The following COL4A6 variants were observed in gnomAD, a reference collection of about 807,000 sequenced individuals.
COL4A6 encodes the protein collagen alpha-6(IV) chain.
A neutral mutation model predicts 126.7 loss-of-function variants in COL4A6; 59 were observed. The ratio of observed to expected loss-of-function variants is 0.47; its 90% CI spans 0.38 to 0.58. The LOEUF is 0.58. Among genes scored for constraint, COL4A6 ranks in the 20% least tolerant of loss-of-function variants. The pLI is 0.00. For missense variants in COL4A6, 1,285 were observed against 1,337.3 expected, an observed-to-expected ratio of 0.96 and a Z score of 0.61; for synonymous variants, 547 against 496.6, an observed-to-expected ratio of 1.10 and a Z score of -1.35.
intron 3 of COL4A6, among the ~76,000 whole-genome samples, chrX:108,250,281 C>T (rs915130366): frequency 1.8e-5 from 2 of 110,214 alleles, no homozygotes; most frequent in African/African-American, 6.6e-5. Context: ...ATTAAGACCC[C>T]CAACAAGTTT....
At chrX:108,198,384 C>T (rs1255274150) in intron 13 of COL4A6, among the ~76,000 whole-genome samples, 2 of 110,606 alleles carry the variant, frequency 1.8e-5, no homozygotes, top group Non-Finnish European at 3.8e-5. Flanking sequence ...AAGAGTCTTG[C>T]TTTCTCAGAG....
At position 108,209,982 on chromosome X, in the gene COL4A6, A is replaced by T; in HGVS notation, c.533T>A (p.Leu178Gln). 2 of 1,210,469 alleles carry T rather than the reference A, an allele frequency of 1.7e-6. No individual in the cohort carries two copies. The highest frequency in any genetic ancestry group is 2.3e-4 in the Middle Eastern group (1 of 4,348). ...ATAACAACTTACAGTGATTCCATCCAGTCCAGGCAGCCCAGGATCCCCCTG... is the reference window on the plus strand; with the variant it reads ...ATAACAACTTACAGTGATTCCATCCTGTCCAGGCAGCCCAGGATCCCCCTG... ...GMKGDPGLPG[L>Q]DGITGPQGAP... The change falls in exon 8 of 45, where the codon CTG (leucine) becomes CAG (glutamine). Residue 178 changes from leucine to glutamine, a missense_variant. Leu to Gln is a moderately radical substitution (Grantham distance 113, BLOSUM62 -2). Transcript: ENST00000334504.
In COL4A6 at chrX:108,409,154, T is replaced by A. The variant is rs187294131; in HGVS notation, c.63+28788A>T. ...AGTGAAATGTTCAGTATCTTTGACC[T>A]CCATAGCTGATAACTTTGTGGTTGT... On this transcript the variant is annotated intron_variant, in intron 2 of 44. Transcript: ENST00000334504. Among the ~76,000 whole-genome samples, 50 of 111,456 alleles carry A rather than the reference T, an allele frequency of 4.5e-4. 1 individual carries two copies. Among genetic ancestry groups the A allele is most frequent in the African/African-American group, 1.6e-3 (49 of 30,638 alleles).
At chrX:108,340,141 C>T in intron 2 of COL4A6, among the ~76,000 whole-genome samples, 1 of 110,988 alleles carries the variant, frequency 9.0e-6, no homozygotes, top group African/African-American at 3.3e-5. Flanking sequence ...TGGGAAAATA[C>T]AAATAAAATT....
At chrX:108,310,529 A>G (rs1336949350) in intron 3 of COL4A6, among the ~76,000 whole-genome samples, 2 of 112,260 alleles carry the variant, frequency 1.8e-5, no homozygotes, top group East Asian at 5.6e-4. Context: ...AAACCTTGGC[A>G]TTAAGTGAAT....
At chrX:108,223,559 C>T (rs986926147) in intron 3 of COL4A6, among the ~76,000 whole-genome samples, 27 of 110,563 alleles carry the variant, frequency 2.4e-4, no homozygotes, top group Non-Finnish European at 4.5e-4. Flanking sequence ...AGTCATGGGC[C>T]GCACTGGAAA....
intron 2 of COL4A6, among the ~76,000 whole-genome samples, chrX:108,318,267 A>T (rs937047380): frequency 3.6e-5 from 4 of 111,940 alleles, no homozygotes; most frequent in Non-Finnish European, 7.5e-5. Flanking sequence ...AGCCAGTATC[A>T]TAATGAATGG....
At chrX:108,268,255 G>A (rs1032839834) in intron 3 of COL4A6, 1 of 112,206 alleles carries the variant, frequency 8.9e-6, no homozygotes, top group African/African-American at 3.2e-5. Context: ...AGATGCCATA[G>A]TCTGAATTTA....
intron 2 of COL4A6, among the ~76,000 whole-genome samples, chrX:108,335,992 C>T (rs768580755): frequency 9.0e-5 from 10 of 111,355 alleles, no homozygotes; most frequent in African/African-American, 2.0e-4. Flanking sequence ...CAACGTCGGC[C>T]AACTAGCAAG....
intron 3 of COL4A6, among the ~76,000 whole-genome samples, chrX:108,295,043 T>C (rs1481668727): frequency 1.8e-5 from 2 of 112,586 alleles, no homozygotes; most frequent in East Asian, 2.8e-4. Flanking sequence ...ATTTTTACAA[T>C]AATGATGATT....
rs139363423 is a variant in COL4A6 at position 108,223,082 on chromosome X, G to A, written c.145-1708C>T. Among the ~76,000 whole-genome samples the A allele has an allele frequency of 7.7e-3, 855 of 111,554 alleles. 3 individuals are homozygous for A. Among genetic ancestry groups the A allele is most frequent in the Non-Finnish European group, 0.012 (634 of 53,119 alleles). Reference sequence around the variant, plus strand: ...AAAATGAGTTCACATCCTTTGCAGGGACATGGATGAAGCTGGAAACCATCA... The same window carrying A: ...AAAATGAGTTCACATCCTTTGCAGGAACATGGATGAAGCTGGAAACCATCA... On this transcript the variant is annotated intron_variant, in intron 3 of 44. Coordinates refer to ENST00000334504, the MANE Select transcript of COL4A6 (RefSeq NM_033641.4).
At chrX:108,371,236 G>GA (rs1187252229) in intron 2 of COL4A6, among the ~76,000 whole-genome samples, 1 of 107,563 alleles carries the variant, frequency 9.3e-6, no homozygotes, top group African/African-American at 3.4e-5. Flanking sequence ...GCATCAAAAA[G>GA]AAAAAAAAGA....
At chrX:108,242,730 G>A (rs1183157934) in intron 3 of COL4A6, among the ~76,000 whole-genome samples, 1 of 110,586 alleles carries the variant, frequency 9.0e-6, no homozygotes, top group East Asian at 2.9e-4. Flanking sequence ...CTCACTCCCT[G>A]GCAGTTACCT....
rs191158634 is a variant in COL4A6, at chrX:108,277,240, G to A, written c.144+33508C>T. ...CAGGGAGTTCCCTTTCCTAGCCAAA[G>A]AAAGGGGTGACAGACGGCACCTGGA... On this transcript the variant is annotated intron_variant, in intron 3 of 44. Coordinates refer to ENST00000334504, the MANE Select transcript of COL4A6 (RefSeq NM_033641.4). 1.9e-4 allele frequency among the ~76,000 whole-genome samples: 21 copies of A among 111,996 alleles called. No individual in the cohort carries two copies. In the Admixed American group the frequency reaches 2.0e-3, roughly 11 times the overall value.
chrX:108,183,655 G>T, intron 23 of COL4A6: 1 of 758,752 alleles, frequency 1.3e-6, no homozygotes, highest in East Asian at 4.3e-5. Context: ...TGAGACAAAG[G>T]TAAACAAAAA....
chrX:108,354,907 C>T lies in COL4A6; in HGVS notation c.64-44079G>A, dbSNP rs2039926275. On this transcript the variant is annotated intron_variant, in intron 2 of 44. Coordinates refer to ENST00000334504, the MANE Select transcript of COL4A6 (RefSeq NM_033641.4). ...GTTTTTAGTGTATTTGCTATTCAAACCCTCAAATATAAGTCATAACTCTTG... is the reference window on the plus strand; with the variant it reads ...GTTTTTAGTGTATTTGCTATTCAAATCCTCAAATATAAGTCATAACTCTTG... 2.7e-5 allele frequency among the ~76,000 whole-genome samples: 3 copies of T among 110,633 alleles called. No homozygotes were observed. In the South Asian group the frequency reaches 1.2e-3, roughly 43 times the overall value.
At chrX:108,276,130 T>C (rs148906719) in intron 3 of COL4A6, among the ~76,000 whole-genome samples, 1,440 of 112,983 alleles carry the variant, frequency 0.013, 3 homozygotes, top group Non-Finnish European at 0.018. Flanking sequence ...TTATGACAAT[T>C]ATCTCCCTCA....
intron 2 of COL4A6, among the ~76,000 whole-genome samples, chrX:108,311,809 G>T (rs1405358778): frequency 2.7e-5 from 3 of 111,365 alleles, no homozygotes; most frequent in Non-Finnish European, 3.8e-5. Flanking sequence ...ATGTAAGTAG[G>T]GACTTCATTG....
rs772506311 is a variant in COL4A6, at chrX:108,196,534, T to TTCCCTTTTC, written c.871_879dup (p.Glu291_Gly293dup). On this transcript the variant is annotated inframe_insertion, in exon 14 of 45. Transcript: ENST00000334504. ...ACCCTAGGTCCTGGCAAACCAGGGATTCCCTTTTCTCCCTTTTCTCCCTTT... is the reference window on the plus strand; with the variant it reads ...ACCCTAGGTCCTGGCAAACCAGGGATTCCCTTTTCTCCCTTTTCTCCCTTTTCTCCCTTT... 107 of 1,207,297 alleles carry TTCCCTTTTC rather than the reference T, an allele frequency of 8.9e-5. No homozygotes were observed. The highest frequency in any genetic ancestry group is 6.5e-4 in the African/African-American group (37 of 57,171).
Sources: allele counts gnomAD v4.1 joint callset (sites outside exome capture counted in the v4.1 genomes callset), GRCh38; gene constraint gnomAD v4.1.1; transcripts MANE v1.5; gene names NCBI Gene and HGNC (gene_info 2026-07-23, HGNC 2026-07-21).